Variants in MYOZ2 observed in about 807,000 individuals in gnomAD.
The protein encoded by MYOZ2 is myozenin-2.
MYOZ2 carries 19 observed loss-of-function variants against 25.4 expected under a neutral mutation model. The ratio of observed to expected loss-of-function variants is 0.75; its 90% CI spans 0.52 to 1.10. The LOEUF (loss-of-function observed/expected upper bound fraction) is 1.10, where lower values mean the gene tolerates loss of function less well. Ranked by LOEUF, MYOZ2 falls within the 50% of genes least tolerant of loss-of-function variation. MYOZ2 has a pLI of 0.00. For synonymous variants in MYOZ2, 92 were observed against 106.9 expected, an observed-to-expected ratio of 0.86 and a Z score of 0.86; for missense variants, 270 against 317.9, an observed-to-expected ratio of 0.85 and a Z score of 1.15.
At chr4:119,183,215 G>A (rs775141076) in intron 5 of MYOZ2, among the ~76,000 whole-genome samples, 11 of 151,970 alleles carry the variant, frequency 7.2e-5, no homozygotes, top group African/African-American at 2.7e-4. Context: ...TAAGAAAAAA[G>A]GCAGACATAC....
intron 2 of MYOZ2, among the ~76,000 whole-genome samples, chr4:119,146,341 TC>T (rs1741291901): frequency 6.6e-6 from 1 of 152,242 alleles, no homozygotes. Context: ...GATACTTTTT[TC>T]TTTTTTAACT....
rs757195650 is a variant in MYOZ2, at chr4:119,136,634, A to T, written c.76+33A>T. The T allele has an allele frequency of 5.7e-6, 9 of 1,580,442 alleles. No homozygotes were observed. In the South Asian group the frequency reaches 1.0e-4, roughly 18 times the overall value. On this transcript the variant is annotated intron_variant, in intron 2 of 5. Coordinates refer to ENST00000307128, the MANE Select transcript of MYOZ2 (RefSeq NM_016599.5). ...TAAAAATCCTTCGTAGCATTAATAT[A>T]GCACAGCATGAATGTGGCTCCATCC... is the stretch of plus-strand genomic sequence containing the variant.
intron 5 of MYOZ2, among the ~76,000 whole-genome samples, chr4:119,170,714 T>G (rs1436469637): frequency 2.0e-5 from 3 of 152,048 alleles, no homozygotes; most frequent in Non-Finnish European, 4.4e-5. Context: ...TGCCAATATA[T>G]GTGTATGGTT....
intron 5 of MYOZ2, among the ~76,000 whole-genome samples, chr4:119,172,428 C>A (rs533239454): frequency 6.6e-6 from 1 of 152,286 alleles, no homozygotes; most frequent in Non-Finnish European, 1.5e-5. Context: ...AAGATGAAAT[C>A]AGAGTGAGTC....
At chr4:119,172,847 T>A (rs770480431) in intron 5 of MYOZ2, among the ~76,000 whole-genome samples, 3 of 152,222 alleles carry the variant, frequency 2.0e-5, no homozygotes, top group Non-Finnish European at 2.9e-5. Context: ...AGAAGCAAGA[T>A]GGAGTCAGGT....
rs1741014636 is a variant in MYOZ2 at position 119,135,975 on chromosome 4, A to G, written c.-22A>G. ...ATCCCCGCTGAAAAAGCACAATCTA[A>G]CAGCAAGGTGAGTATGTTGTTTCCT... On this transcript the variant is annotated 5_prime_UTR_variant, in exon 1 of 6. Transcript: ENST00000307128. The G allele has an allele frequency of 6.2e-6, 1 of 161,726 alleles. No homozygotes were observed. The highest frequency in any genetic ancestry group is 2.4e-5 in the African/African-American group (1 of 41,470). The allele number at this position is 161,726 out of a possible 1,614,324, so 10.0% of individuals were successfully genotyped here.
intron 5 of MYOZ2, among the ~76,000 whole-genome samples, chr4:119,172,874 A>G (rs1263066422): frequency 6.6e-6 from 1 of 152,202 alleles, no homozygotes; most frequent in Non-Finnish European, 1.5e-5. Flanking sequence ...TCTCACTGTT[A>G]TAATTTTCTC....
chr4:119,178,377 A>G (rs568693355), intron 5 of MYOZ2, among the ~76,000 whole-genome samples: 3 of 152,134 alleles, frequency 2.0e-5, no homozygotes, highest in Non-Finnish European at 4.4e-5. Context: ...CCTGAGCTTC[A>G]CTCTGCCACT....
chr4:119,175,871 A>G lies in MYOZ2; in HGVS notation c.561-10095A>G, dbSNP rs548459051. On this transcript the variant is annotated intron_variant, in intron 5 of 5. Transcript: ENST00000307128. ...TGATCCTCTGCTGTTTCTTTCTTCAAATTCCTAATAATTTCTGAACAAGGG... is the reference window on the plus strand; with the variant it reads ...TGATCCTCTGCTGTTTCTTTCTTCAGATTCCTAATAATTTCTGAACAAGGG... 2.6e-4 allele frequency among the ~76,000 whole-genome samples: 40 copies of G among 152,312 alleles called. 1 individual carries two copies. The highest frequency in any genetic ancestry group is 2.6e-3 in the Admixed American group (40 of 15,298).
intron 4 of MYOZ2, 30 bp downstream of exon 4, chr4:119,158,181 A>G (rs953166620): frequency 1.2e-6 from 2 of 1,611,992 alleles, no homozygotes; most frequent in African/African-American, 1.3e-5. Flanking sequence ...ACAGAGCAAT[A>G]AAATTTCTGT....
At chr4:119,147,209 G>A (rs1242561742) in intron 2 of MYOZ2, among the ~76,000 whole-genome samples, 1 of 151,668 alleles carries the variant, frequency 6.6e-6, no homozygotes, top group African/African-American at 2.4e-5. Flanking sequence ...ATTTATTAAT[G>A]TCTTAGAGCT....
chr4:119,184,177 GT>G (rs1742249305), intron 5 of MYOZ2, among the ~76,000 whole-genome samples: 1 of 152,032 alleles, frequency 6.6e-6, no homozygotes, highest in South Asian at 2.1e-4. Flanking sequence ...ATGTAATTAG[GT>G]TATATAATCT....
At chr4:119,179,607 TTATTCAAC>T (rs1161414486) in intron 5 of MYOZ2, among the ~76,000 whole-genome samples, 2 of 152,220 alleles carry the variant, frequency 1.3e-5, no homozygotes, top group African/African-American at 4.8e-5. Context: ...TTTATCTGTT[TTATTCAAC>T]ATTATGATCT....
rs766848563 is a variant in MYOZ2, at chr4:119,164,199, A to G, written c.377-12A>G. The G allele has an allele frequency of 1.2e-6, 2 of 1,612,642 alleles. No individual in the cohort carries two copies. Among genetic ancestry groups the G allele is most frequent in the South Asian group, 1.1e-5 (1 of 91,036 alleles). On this transcript the variant is annotated splice_polypyrimidine_tract_variant and intron_variant, in intron 4 of 5. Coordinates refer to ENST00000307128, the MANE Select transcript of MYOZ2 (RefSeq NM_016599.5). Reference sequence around the variant, plus strand: ...CACAGTATTTACTTACTTTTGCTATATTTTTCCAAAGGATATTCTGGACCA... The same window carrying G: ...CACAGTATTTACTTACTTTTGCTATGTTTTTCCAAAGGATATTCTGGACCA...
intron 5 of MYOZ2, among the ~76,000 whole-genome samples, chr4:119,174,591 G>A (rs973344404): frequency 2.0e-5 from 3 of 152,120 alleles, no homozygotes; most frequent in Non-Finnish European, 2.9e-5. Context: ...AATCTGATGG[G>A]GAGGTGGAGA....
intron 5 of MYOZ2, among the ~76,000 whole-genome samples, chr4:119,179,478 C>CTTTATT (rs1177127698): frequency 1.3e-5 from 2 of 152,080 alleles, no homozygotes; most frequent in Non-Finnish European, 1.5e-5. Flanking sequence ...ACTCATTCTC[C>CTTTATT]TTTATTTTTC....
At chr4:119,146,940 G>A (rs766820827) in intron 2 of MYOZ2, among the ~76,000 whole-genome samples, 5 of 152,006 alleles carry the variant, frequency 3.3e-5, no homozygotes, top group Non-Finnish European at 7.4e-5. Flanking sequence ...AATCTTTGTG[G>A]ATTCGCACTT....
At chr4:119,177,790 A>G (rs1289021980) in intron 5 of MYOZ2, among the ~76,000 whole-genome samples, 1 of 152,084 alleles carries the variant, frequency 6.6e-6, no homozygotes, top group Non-Finnish European at 1.5e-5. Context: ...TCCTGCAATT[A>G]TTCCTTCTCT....
intron 4 of MYOZ2, among the ~76,000 whole-genome samples, chr4:119,161,345 G>A (rs941498691): frequency 2.6e-5 from 4 of 152,060 alleles, no homozygotes; most frequent in Non-Finnish European, 5.9e-5. Context: ...AGTACAATAA[G>A]CTCAGTAAAC....
Sources: gnomAD v4.1 joint callset for allele counts (sites outside exome capture counted in the v4.1 genomes callset) on GRCh38, gnomAD v4.1.1 for gene constraint, MANE v1.5 for transcripts, NCBI Gene and HGNC (gene_info 2026-07-23, HGNC 2026-07-21) for gene names.